LGR4: variants seen among roughly 807,000 people sequenced by gnomAD.
The protein encoded by LGR4 is leucine rich repeat containing G protein-coupled receptor 4.
A neutral mutation model predicts 84.8 loss-of-function variants in LGR4; 44 were observed. The observed-to-expected ratio is 0.52, with a 90% confidence interval of 0.41 to 0.67. The LOEUF (loss-of-function observed/expected upper bound fraction) is 0.67. Among genes scored for constraint, LGR4 ranks in the 30% least tolerant of loss-of-function variants. The probability of loss-of-function intolerance (pLI) is 0.00; values close to 1 mark genes in which losing one functional copy is unlikely to be tolerated. For missense variants in LGR4, 1,032 were observed against 1,131.4 expected (o/e 0.91, Z 1.26); for synonymous variants, 429 against 434.3 (o/e 0.99, Z 0.15).
chr11:27,463,792 A>T (rs1000904431), intron 1 of LGR4, among the ~76,000 whole-genome samples: 1 of 152,196 alleles, frequency 6.6e-6, no homozygotes, highest in Non-Finnish European at 1.5e-5. Flanking sequence ...ATCTCAAAAA[A>T]ACAAAACAAA....
intron 1 of LGR4, among the ~76,000 whole-genome samples, chr11:27,417,226 AG>A (rs1235312267): frequency 6.6e-6 from 1 of 152,112 alleles, no homozygotes; most frequent in Non-Finnish European, 1.5e-5. Context: ...AAGAGAACAC[AG>A]GGTTCTCTAA....
Position 27,368,670 on chromosome 11 carries a change from C to T in LGR4, c.2053G>A (p.Gly685Arg), listed in dbSNP as rs1204908530. 6.2e-7 allele frequency: 1 copy of T among 1,613,828 alleles called. No individual in the cohort carries two copies. The highest frequency in any genetic ancestry group is 8.5e-7 in the Non-Finnish European group (1 of 1,179,978). ...CAAAGGGGTGATGCAGAATATTCCC[C>T]TCTATGGAAAAGGGGAAAACAGCCT... ...VAGCFPLFHR[G>R]EYSASPLCLP... is the part of the protein sequence containing the mutation. Residue 685 changes from glycine (G) to arginine (R), a missense_variant, in exon 18 of 18, where the codon GGG becomes AGG. Coordinates refer to ENST00000379214, the MANE Select transcript of LGR4 (RefSeq NM_018490.5).
At chr11:27,385,814 A>AC (rs1565074661) in intron 4 of LGR4, among the ~76,000 whole-genome samples, 1 of 38,826 alleles carries the variant, frequency 2.6e-5, no homozygotes, top group East Asian at 1.8e-3. Flanking sequence ...TATCAGGCAT[A>AC]CAAAAAAAAA....
At chr11:27,448,835 T>A (rs1864435579) in intron 1 of LGR4, among the ~76,000 whole-genome samples, 1 of 152,214 alleles carries the variant, frequency 6.6e-6, no homozygotes, top group East Asian at 1.9e-4. Flanking sequence ...GCAAGCCCCC[T>A]GAGGACAGAA....
chr11:27,425,999 T>C (rs73446096), intron 1 of LGR4, among the ~76,000 whole-genome samples: 1,604 of 152,304 alleles, frequency 0.011, 19 homozygotes, highest in African/African-American at 0.036. Context: ...TCATAGCATC[T>C]GTTGAGTGAA....
intron 1 of LGR4, among the ~76,000 whole-genome samples, chr11:27,446,370 CGAA>C (rs200223585): frequency 0.013 from 1,956 of 152,146 alleles, 16 homozygotes; most frequent in Middle Eastern, 0.024. Context: ...AAAAAGTGGG[CGAA>C]GGATATGAAC....
At chr11:27,456,945 G>A (rs948393708) in intron 1 of LGR4, among the ~76,000 whole-genome samples, 4 of 151,960 alleles carry the variant, frequency 2.6e-5, no homozygotes, top group African/African-American at 9.7e-5. Context: ...TTTCTGTTCT[G>A]ATTTTTTTTT....
chr11:27,442,640 C>A (rs1864323135), intron 1 of LGR4, among the ~76,000 whole-genome samples: 1 of 152,114 alleles, frequency 6.6e-6, no homozygotes, highest in Non-Finnish European at 1.5e-5. Flanking sequence ...CAAAACAGCA[C>A]CAGACCTGAG....
chr11:27,414,065 G>A (rs990150539), intron 1 of LGR4, among the ~76,000 whole-genome samples: 3 of 152,020 alleles, frequency 2.0e-5, no homozygotes, highest in African/African-American at 7.2e-5. Context: ...AAGATGCAGT[G>A]CATGCTTTTA....
intron 1 of LGR4, 47 bp downstream of exon 1, chr11:27,472,071 G>A (rs1423881987): frequency 7.8e-6 from 9 of 1,150,686 alleles, no homozygotes; most frequent in East Asian, 7.2e-5. Flanking sequence ...CCCCCCGCTG[G>A]GCCCCGTTTC....
chr11:27,401,418 A>G (rs1863500999), intron 2 of LGR4, among the ~76,000 whole-genome samples: 1 of 152,156 alleles, frequency 6.6e-6, no homozygotes, highest in South Asian at 2.1e-4. Flanking sequence ...GGCAACAGTT[A>G]TACTTCCTGA....
At position 27,412,827 on chromosome 11, in the gene LGR4, T is replaced by C; in HGVS notation, c.219A>G (p.Pro73=). ...AAGGAAAGTTCTTAAATGCATCTTC[T>C]GGCAACTGAGTAATGTTGTTCATAC... is the stretch of plus-strand genomic sequence containing the variant. ...DISMNNITQL[P]EDAFKNFPFL... Residue 73 remains proline (P), a synonymous_variant, in exon 2 of 18, where the codon CCA becomes CCG. Transcript: ENST00000379214. 1 of 1,604,212 alleles carries C rather than the reference T, an allele frequency of 6.2e-7. No homozygotes were observed. The highest frequency in any genetic ancestry group is 8.5e-7 in the Non-Finnish European group (1 of 1,171,500).
Position 27,472,191 on chromosome 11 carries a change from C to A in LGR4, c.112G>T (p.Asp38Tyr). The change falls in exon 1 of 18, where the codon GAC becomes TAC. Residue 38 changes from aspartate (D) to tyrosine (Y), a missense_variant. Transcript: ENST00000379214. ...TTCCCGGAGCAGTCCACCCGACGGT[C>A]GCCGTCGCAGCTGCAGGGCGCCGCG... Reference protein sequence around the residue: ...LCAAPCSCDGDRRVDCSGKGL... With the variant: ...LCAAPCSCDGYRRVDCSGKGL... 2 of 1,402,882 alleles carry A rather than the reference C, an allele frequency of 1.4e-6. No individual in the cohort carries two copies. Among genetic ancestry groups the A allele is most frequent in the Non-Finnish European group, 1.9e-6 (2 of 1,077,232 alleles). The allele number at this position is 1,402,882 out of a possible 1,614,324, so 86.9% of individuals were successfully genotyped here.
intron 2 of LGR4, among the ~76,000 whole-genome samples, chr11:27,407,168 G>A (rs1199783577): frequency 1.3e-5 from 2 of 152,068 alleles, no homozygotes; most frequent in Non-Finnish European, 2.9e-5. Context: ...GCTAGATAAG[G>A]AAATTTTATT....
chr11:27,433,344 T>A (rs1000479050), intron 1 of LGR4, among the ~76,000 whole-genome samples: 14 of 151,996 alleles, frequency 9.2e-5, no homozygotes, highest in African/African-American at 3.4e-4. Flanking sequence ...TCCCCAGTAG[T>A]TGGGACCACA....
At chr11:27,375,513 A>T (rs1038995660) in intron 13 of LGR4, among the ~76,000 whole-genome samples, 1 of 152,150 alleles carries the variant, frequency 6.6e-6, no homozygotes, top group Non-Finnish European at 1.5e-5. Flanking sequence ...TCTATTTGTC[A>T]TGATAGATAC....
chr11:27,416,428 A>G (rs1027891470), intron 1 of LGR4, among the ~76,000 whole-genome samples: 3 of 152,210 alleles, frequency 2.0e-5, no homozygotes, highest in Non-Finnish European at 4.4e-5. Context: ...GTCATGTATA[A>G]TAAGTTCAAC....
chr11:27,435,547 G>T (rs1385513124), intron 1 of LGR4, among the ~76,000 whole-genome samples: 1 of 151,322 alleles, frequency 6.6e-6, no homozygotes, highest in African/African-American at 2.4e-5. Context: ...GAGTGCAGTG[G>T]TGCAATCTCG....
chr11:27,447,084 A>G (rs1010689874), intron 1 of LGR4, among the ~76,000 whole-genome samples: 6 of 152,252 alleles, frequency 3.9e-5, no homozygotes, highest in African/African-American at 1.4e-4. Flanking sequence ...TACCTAATGT[A>G]AACGACAAGT....
Sources: gnomAD v4.1 joint callset for allele counts (sites outside exome capture counted in the v4.1 genomes callset) on GRCh38, gnomAD v4.1.1 for gene constraint, MANE v1.5 for transcripts, NCBI Gene and HGNC (gene_info 2026-07-23, HGNC 2026-07-21) for gene names.